The following CAMTA1 variants were observed in gnomAD, a reference collection of about 807,000 sequenced individuals.
CAMTA1 encodes the protein calmodulin binding transcription activator 1, also known as calmodulin-binding transcription activator 1.
Under a neutral mutation model 170.9 loss-of-function variants are expected in CAMTA1, and 27 were observed. The observed-to-expected ratio is 0.16, with a 90% CI of 0.12 to 0.22. The LOEUF is 0.22. CAMTA1 is among the 10% of genes least tolerant of loss of function. CAMTA1 has a pLI of 1.00. For synonymous variants in CAMTA1, 833 were observed against 891.5 expected (o/e 0.93, Z 1.17); for missense variants, 1,619 against 2,217.2 (o/e 0.73, Z 5.42).
chr1:7,497,001 C>T lies in CAMTA1; in HGVS notation c.510+29100C>T, dbSNP rs200865498. Among the ~76,000 whole-genome samples, 7 of 125,258 alleles carry T rather than the reference C, an allele frequency of 5.6e-5. 1 individual carries two copies. Among genetic ancestry groups the T allele is most frequent in the East Asian group, 5.4e-4 (2 of 3,684 alleles). 82.2% of individuals were successfully genotyped at this position (125,258 alleles called of 152,430 possible). A position where few individuals can be genotyped will look rare whatever the true frequency, so the allele number is the denominator to read the frequency against. ...GAAGGGAGGCATAAAAGCCAAGCCA[C>T]GGTCCACCCCAGGGGACCTAGGGCT... On this transcript the variant is annotated intron_variant, in intron 6 of 22. Transcript: ENST00000303635.
At chr1:7,202,871 T>C (rs1656968945) in intron 4 of CAMTA1, among the ~76,000 whole-genome samples, 1 of 152,216 alleles carries the variant, frequency 6.6e-6, no homozygotes, top group African/African-American at 2.4e-5. Flanking sequence ...CTTTTACTTA[T>C]GTTTCTTGCC....
intron 5 of CAMTA1, among the ~76,000 whole-genome samples, chr1:7,447,250 A>G (rs1186792527): frequency 6.6e-6 from 1 of 151,874 alleles, no homozygotes; most frequent in African/African-American, 2.4e-5. Flanking sequence ...CACCATCTGG[A>G]GGGAGAGAGT....
chr1:7,619,008 A>C (rs1255925783), intron 6 of CAMTA1, among the ~76,000 whole-genome samples: 1 of 152,218 alleles, frequency 6.6e-6, no homozygotes, highest in Non-Finnish European at 1.5e-5. Flanking sequence ...TCTCAAACAG[A>C]AATTTTAAGG....
chr1:7,493,438 AACAT>A (rs1490947017), intron 6 of CAMTA1, among the ~76,000 whole-genome samples: 2 of 150,614 alleles, frequency 1.3e-5, no homozygotes, highest in Non-Finnish European at 3.0e-5. Context: ...TGCACACACA[AACAT>A]ACAAACACAC....
chr1:7,692,862 A>G lies in CAMTA1; in HGVS notation c.2914+15129A>G, dbSNP rs144605597. On this transcript the variant is annotated intron_variant, in intron 11 of 22. Transcript: ENST00000303635. Reference sequence around the variant, plus strand: ...TCAACCAGGCATCCCCCCACCCCCCAGGAACTCACAGCCCAGGGCAGGGGG... The same window carrying G: ...TCAACCAGGCATCCCCCCACCCCCCGGGAACTCACAGCCCAGGGCAGGGGG... Among the ~76,000 whole-genome samples the G allele has an allele frequency of 4.3e-3, 654 of 152,304 alleles. 2 individuals carry two copies. The highest frequency in any genetic ancestry group is 7.2e-3 in the Non-Finnish European group (490 of 68,024).
chr1:7,679,728 C>G (rs932371273), intron 11 of CAMTA1, among the ~76,000 whole-genome samples: 1 of 152,256 alleles, frequency 6.6e-6, no homozygotes, highest in Non-Finnish European at 1.5e-5. Context: ...TCTGTTACCA[C>G]CAGCCAGGGC....
intron 3 of CAMTA1, among the ~76,000 whole-genome samples, chr1:6,933,635 T>C (rs549941092): frequency 1.3e-5 from 2 of 152,222 alleles, no homozygotes; most frequent in Admixed American, 6.5e-5. Flanking sequence ...TTAAAGCATA[T>C]GGTGTGAGGT....
intron 6 of CAMTA1, among the ~76,000 whole-genome samples, chr1:7,471,648 C>A (rs959073922): frequency 1.3e-5 from 2 of 152,270 alleles, no homozygotes; most frequent in Admixed American, 6.5e-5. Context: ...GCAGGCAGTG[C>A]TCCGTTCTCC....
chr1:7,473,476 C>T (rs2093368196), intron 6 of CAMTA1, among the ~76,000 whole-genome samples: 1 of 152,208 alleles, frequency 6.6e-6, no homozygotes, highest in South Asian at 2.1e-4. Flanking sequence ...GTTCCATACT[C>T]AGGCCCTAGA....
At position 7,010,851 on chromosome 1, in the gene CAMTA1, G is replaced by A. The variant is rs1040400848; in HGVS notation, c.235-80453G>A. Among the ~76,000 whole-genome samples, 1 of 152,178 alleles carries A rather than the reference G, an allele frequency of 6.6e-6. No individual in the cohort carries two copies. Among genetic ancestry groups the A allele is most frequent in the African/African-American group, 2.4e-5 (1 of 41,434 alleles). Reference sequence around the variant, plus strand: ...CAGAACCCTCTGGAGTGGAGCAAGCGATGGGAAATGCTCTTATCAGGCACC... The same window carrying A: ...CAGAACCCTCTGGAGTGGAGCAAGCAATGGGAAATGCTCTTATCAGGCACC... On this transcript the variant is annotated intron_variant, in intron 3 of 22. Transcript: ENST00000303635. The surrounding 1 kb of genome is among the most constrained non-coding windows in gnomAD (Gnocchi z 4.4).
chr1:7,640,401 A>G lies in CAMTA1; in HGVS notation c.512A>G (p.Asn171Ser), dbSNP rs576462988. 6.2e-7 allele frequency: 1 copy of G among 1,613,696 alleles called. No individual in the cohort carries two copies. The highest frequency in any genetic ancestry group is 1.1e-5 in the South Asian group (1 of 91,070). The stretch of plus-strand genomic sequence containing the variant: ...TGCCAGTCTCTGCTCTCCCCACAGA[A>G]CCCCGACATCGTCCTGGTGCACTAC... Reference protein sequence around the residue: ...FHRRCYWLLQNPDIVLVHYLN... With the variant: ...FHRRCYWLLQSPDIVLVHYLN... Residue 171 changes from asparagine (N) to serine (S), a missense_variant and splice_region_variant, in exon 7 of 23, where the codon AAC becomes AGC. Transcript: ENST00000303635.
chr1:6,811,665 G>A (rs945749822), intron 1 of CAMTA1, among the ~76,000 whole-genome samples: 3 of 152,150 alleles, frequency 2.0e-5, no homozygotes, highest in Non-Finnish European at 4.4e-5. Flanking sequence ...TACGAATGTG[G>A]GTCGGAGAAA....
At chr1:7,282,815 G>C (rs987240959) in intron 5 of CAMTA1, among the ~76,000 whole-genome samples, 1 of 152,128 alleles carries the variant, frequency 6.6e-6, no homozygotes, top group Non-Finnish European at 1.5e-5. Flanking sequence ...TGTTGCCTAT[G>C]GCCATCAGGA....
rs1371236237 is a variant in CAMTA1 at position 7,347,378 on chromosome 1, C to T, written c.438+97752C>T. 8.5e-5 allele frequency among the ~76,000 whole-genome samples: 13 copies of T among 152,332 alleles called. 1 individual carries two copies. The South Asian group carries it at 2.5e-3, about 29-fold the overall frequency. On this transcript the variant is annotated intron_variant, in intron 5 of 22. Coordinates refer to ENST00000303635, the MANE Select transcript of CAMTA1 (RefSeq NM_015215.4). Reference sequence around the variant, plus strand: ...TGCCCAGGCAGCTCCAGAGCCCAGCCAGTCGGGCCTCTGCCGTCACACCAG... The same window carrying T: ...TGCCCAGGCAGCTCCAGAGCCCAGCTAGTCGGGCCTCTGCCGTCACACCAG...
Position 7,351,674 on chromosome 1 carries a change from TC to T in CAMTA1, c.438+102052del, listed in dbSNP as rs1419481749. 2.0e-5 allele frequency among the ~76,000 whole-genome samples: 3 copies of T among 152,208 alleles called. No homozygotes were observed. The East Asian group carries it at 5.8e-4, about 29-fold the overall frequency. ...ATTCCATTTTCTGTCGAGGGCATCG[TC>T]CCCTCTCACCTACCTGTCTGGCCGG... On this transcript the variant is annotated intron_variant, in intron 5 of 22. Coordinates refer to ENST00000303635, the MANE Select transcript of CAMTA1 (RefSeq NM_015215.4).
intron 6 of CAMTA1, among the ~76,000 whole-genome samples, chr1:7,524,682 T>C (rs1443108826): frequency 6.6e-6 from 1 of 152,162 alleles, no homozygotes; most frequent in Non-Finnish European, 1.5e-5. Flanking sequence ...TTCCCTCATT[T>C]GTTAAACTTT....
At chr1:7,362,444 T>C (rs2085613651) in intron 5 of CAMTA1, among the ~76,000 whole-genome samples, 1 of 152,030 alleles carries the variant, frequency 6.6e-6, no homozygotes, top group East Asian at 1.9e-4. Flanking sequence ...TTAGTAGACT[T>C]CAATAGAGTT....
rs1674573736 is a variant in CAMTA1 at position 7,300,324 on chromosome 1, T to G, written c.438+50698T>G. 6.6e-6 allele frequency among the ~76,000 whole-genome samples: 1 copy of G among 152,200 alleles called. No homozygotes were observed. Among genetic ancestry groups the G allele is most frequent in the South Asian group, 2.1e-4 (1 of 4,822 alleles). Reference sequence around the variant, plus strand: ...GCTCATTCCTGGTGCAGCAGATCACTTCCACATTTACTGCATCACATCCAG... The same window carrying G: ...GCTCATTCCTGGTGCAGCAGATCACGTCCACATTTACTGCATCACATCCAG... On this transcript the variant is annotated intron_variant, in intron 5 of 22. Transcript: ENST00000303635. The surrounding 1 kb of genome is among the most constrained non-coding windows in gnomAD (Gnocchi z 4.1).
Position 7,752,510 on chromosome 1 carries a change from G to A in CAMTA1, c.4935G>A (p.Arg1645=). 1.2e-6 allele frequency: 2 copies of A among 1,611,128 alleles called. No homozygotes were observed. Among genetic ancestry groups the A allele is most frequent in the Non-Finnish European group, 1.7e-6 (2 of 1,178,696 alleles). The change falls in exon 21 of 23, where the codon AGG becomes AGA. Residue 1645 remains arginine (R), a synonymous_variant. Coordinates refer to ENST00000303635, the MANE Select transcript of CAMTA1 (RefSeq NM_015215.4). ...KQDQAARKIM[R]FLRRCRHSPL... Reference sequence around the variant, plus strand: ...ATCAAGCTGCTCGAAAAATAATGAGGTTTCTTCGCCGCTGTCGCCACAGGT... The same window carrying A: ...ATCAAGCTGCTCGAAAAATAATGAGATTTCTTCGCCGCTGTCGCCACAGGT...
Sources: gnomAD v4.1 joint callset for allele counts (sites outside exome capture counted in the v4.1 genomes callset) on GRCh38, gnomAD v4.1.1 for gene constraint, Gnocchi (gnomAD v3.1) non-coding constraint, MANE v1.5 for transcripts, NCBI Gene and HGNC (gene_info 2026-07-23, HGNC 2026-07-21) for gene names.